The following BTBD3 variants were observed in gnomAD, a reference collection of about 807,000 sequenced individuals.
BTBD3 encodes the protein BTB/POZ domain-containing protein 3.
Under a neutral mutation model 41.6 loss-of-function variants are expected in BTBD3, and 14 were observed. The observed-to-expected ratio is 0.34, with a 90% confidence interval of 0.22 to 0.53. The LOEUF (loss-of-function observed/expected upper bound fraction) is 0.53. Among genes scored for constraint, BTBD3 ranks in the 20% least tolerant of loss-of-function variants. BTBD3 has a pLI of 0.95. For synonymous variants in BTBD3, 249 were observed against 233.7 expected (o/e 1.07, Z -0.60); for missense variants, 426 against 654.7 (o/e 0.65, Z 3.81).
intron 1 of BTBD3, among the ~76,000 whole-genome samples, chr20:11,897,810 A>G (rs1296116723): frequency 1.3e-5 from 2 of 152,180 alleles, no homozygotes; most frequent in Non-Finnish European, 2.9e-5. Context: ...AAAACCCTCC[A>G]GTGGCTTCCA....
At chr20:11,901,857 A>G (rs2056825568) in intron 1 of BTBD3, among the ~76,000 whole-genome samples, 1 of 152,196 alleles carries the variant, frequency 6.6e-6, no homozygotes, top group South Asian at 2.1e-4. Context: ...TTGATTTTAC[A>G]GTGTTTCTAT....
chr20:11,915,231 C>A (rs540766966), upstream of BTBD3, among the ~76,000 whole-genome samples: 1 of 152,124 alleles, frequency 6.6e-6, no homozygotes, highest in African/African-American at 2.4e-5. Context: ...TTGGGGCTGG[C>A]GCTTCCTTTC....
intron 1 of BTBD3, among the ~76,000 whole-genome samples, chr20:11,906,955 A>G (rs939088996): frequency 1.3e-5 from 2 of 152,164 alleles, no homozygotes; most frequent in Non-Finnish European, 2.9e-5. Flanking sequence ...TGGATTATTC[A>G]TGTGACTGCT....
chr20:11,921,801 T>C (rs574206280), intron 3 of BTBD3: 1 of 152,340 alleles, frequency 6.6e-6, no homozygotes, highest in East Asian at 1.9e-4. Flanking sequence ...AAACTCAAGA[T>C]AAAGTAGCTG....
chr20:11,915,870 T>TCTTTA (rs2056914813), upstream of BTBD3, among the ~76,000 whole-genome samples: 1 of 152,234 alleles, frequency 6.6e-6, no homozygotes, highest in Admixed American at 6.5e-5. Context: ...TCTACAATAT[T>TCTTTA]GCATACTTCT....
At chr20:11,913,056 A>G (rs1242656098), upstream of BTBD3, among the ~76,000 whole-genome samples, 2 of 152,196 alleles carry the variant, frequency 1.3e-5, no homozygotes, top group East Asian at 3.8e-4. Flanking sequence ...ATAACTTACC[A>G]GATTAAACTA....
At chr20:11,905,320 A>G (rs867418586) in intron 1 of BTBD3, among the ~76,000 whole-genome samples, 6 of 150,494 alleles carry the variant, frequency 4.0e-5, no homozygotes, top group Middle Eastern at 3.4e-3. Context: ...GACTTGTAAC[A>G]CAAATAGTTG....
chr20:11,891,582 G>C (rs1045288454), intron 1 of BTBD3: 3 of 152,288 alleles, frequency 2.0e-5, no homozygotes, highest in African/African-American at 7.2e-5. Context: ...GGCTGGACTA[G>C]TCCTCCGAGT....
upstream of BTBD3, among the ~76,000 whole-genome samples, chr20:11,915,635 T>G (rs775053456): frequency 2.6e-5 from 4 of 152,170 alleles, no homozygotes; most frequent in Non-Finnish European, 4.4e-5. Context: ...ATTACTTGCC[T>G]TATTACCGTG....
At chr20:11,906,855 A>C (rs2056858057) in intron 1 of BTBD3, among the ~76,000 whole-genome samples, 1 of 152,210 alleles carries the variant, frequency 6.6e-6, no homozygotes, top group African/African-American at 2.4e-5. Flanking sequence ...GGTGTGTCTA[A>C]TGTAGTGGAA....
chr20:11,902,249 G>A (rs1164223060), intron 1 of BTBD3, among the ~76,000 whole-genome samples: 1 of 152,134 alleles, frequency 6.6e-6, no homozygotes, highest in East Asian at 1.9e-4. Context: ...TCATAAGGAA[G>A]TGAAAATACA....
intron 3 of BTBD3, among the ~76,000 whole-genome samples, chr20:11,921,140 T>C (rs993883851): frequency 6.6e-6 from 1 of 152,222 alleles, no homozygotes; most frequent in Non-Finnish European, 1.5e-5. Flanking sequence ...GCTGAGGAGA[T>C]TGCTAGCACT....
At chr20:11,907,847 G>C (rs988953744) in intron 1 of BTBD3, among the ~76,000 whole-genome samples, 1 of 152,170 alleles carries the variant, frequency 6.6e-6, no homozygotes, top group African/African-American at 2.4e-5. Context: ...AATTGAGCCA[G>C]GTCATGGAGA....
intron 1 of BTBD3, among the ~76,000 whole-genome samples, chr20:11,902,800 A>G (rs1029977736): frequency 2.0e-5 from 3 of 152,218 alleles, no homozygotes; most frequent in African/African-American, 7.2e-5. Flanking sequence ...GTTTGTGTGC[A>G]TAAATTTTGG....
intron 1 of BTBD3, among the ~76,000 whole-genome samples, chr20:11,896,688 A>G (rs746394884): frequency 2.0e-5 from 3 of 152,216 alleles, no homozygotes; most frequent in Non-Finnish European, 4.4e-5. Context: ...TTTTTAAGAC[A>G]TGGGAATTGA....
At position 11,923,453 on chromosome 20, in the gene BTBD3, C is replaced by T. The variant is rs771415419; in HGVS notation, c.1356C>T (p.Pro452=). The change falls in exon 4 of 4, where the codon CCC becomes CCT. Residue 452 remains proline, a synonymous_variant. Transcript: ENST00000378226. This position sits in a 1 kb window ranked among gnomAD's most constrained non-coding sequence, Gnocchi z 5.3. Reference sequence around the variant, plus strand: ...CAGATGGGTCCAGCAATACCTTTCCCGTATGGTTTGAATACCCAGTGCAGA... The same window carrying T: ...CAGATGGGTCCAGCAATACCTTTCCTGTATGGTTTGAATACCCAGTGCAGA... The part of the protein sequence containing the change: ...YFSDGSSNTF[P]VWFEYPVQIE... The T allele has an allele frequency of 2.6e-5, 42 of 1,614,054 alleles. No homozygotes were observed. The highest frequency in any genetic ancestry group is 1.2e-4 in the Admixed American group (7 of 60,004).
In BTBD3 at chr20:11,925,729, AGAG is replaced by A. The variant is rs1568619439; in HGVS notation, c.*2064_*2066del. The A allele has an allele frequency of 6.6e-6, 1 of 152,622 alleles. No homozygotes were observed. Among genetic ancestry groups the A allele is most frequent in the Non-Finnish European group, 1.5e-5 (1 of 68,036 alleles). 9.5% of individuals were successfully genotyped at this position (152,622 alleles called of 1,614,324 possible). ...ATAAGAAGGCACTTGTTTGTAAGCCAGAGAAGAAACTTTAATTGCATCCTATCA... is the reference window on the plus strand; with the variant it reads ...ATAAGAAGGCACTTGTTTGTAAGCCAAAGAAACTTTAATTGCATCCTATCA... On this transcript the variant is annotated 3_prime_UTR_variant, in exon 4 of 4. Transcript: ENST00000378226.
chr20:11,920,299 T>TA (rs1272406159), intron 3 of BTBD3, among the ~76,000 whole-genome samples: 1 of 152,170 alleles, frequency 6.6e-6, no homozygotes, highest in Non-Finnish European at 1.5e-5. Context: ...ATGAAAAACT[T>TA]ACCATCTGTT....
upstream of BTBD3, among the ~76,000 whole-genome samples, chr20:11,915,953 A>T (rs1568613858): frequency 6.6e-6 from 1 of 151,890 alleles, no homozygotes; most frequent in Non-Finnish European, 1.5e-5. Context: ...TGTTTTGGAG[A>T]CTTCTTGGTG....
Sources: allele counts gnomAD v4.1 joint callset (sites outside exome capture counted in the v4.1 genomes callset), GRCh38; gene constraint gnomAD v4.1.1; non-coding constraint Gnocchi (gnomAD v3.1); transcripts MANE v1.5; gene names NCBI Gene and HGNC (gene_info 2026-07-23, HGNC 2026-07-21).